The following RPS6KC1 variants were observed in gnomAD, a reference collection of about 807,000 sequenced individuals.
RPS6KC1 encodes inactive ribosomal protein S6 kinase delta-1.
In RPS6KC1, 54 loss-of-function variants were observed where a neutral mutation model predicts 103.8. The observed-to-expected ratio is 0.52, with a 90% CI of 0.42 to 0.65. The LOEUF is 0.65. Among genes scored for constraint, RPS6KC1 ranks in the 30% least tolerant of loss-of-function variants. The pLI, the probability that RPS6KC1 is intolerant of heterozygous loss-of-function variation, is 0.00. For missense variants in RPS6KC1, 1,151 were observed against 1,253.8 expected, an observed-to-expected ratio of 0.92 and a Z score of 1.24; for synonymous variants, 439 against 438.7, an observed-to-expected ratio of 1.00 and a Z score of -0.01.
At chr1:213,329,517 G>A in the RPS6KC1 span, among the ~76,000 whole-genome samples, 1 of 151,986 alleles carries the variant, frequency 6.6e-6, no homozygotes, top group Non-Finnish European at 1.5e-5. Context: ...AGGCAGAATG[G>A]ACACCACCAG....
the RPS6KC1 span, among the ~76,000 whole-genome samples, chr1:213,380,747 A>G: frequency 2.6e-5 from 4 of 152,186 alleles, no homozygotes; most frequent in African/African-American, 9.7e-5. Context: ...GGGTGAAAGG[A>G]CTGGGTGCTG....
the RPS6KC1 span, among the ~76,000 whole-genome samples, chr1:213,750,474 G>A: frequency 6.6e-6 from 1 of 152,214 alleles, no homozygotes; most frequent in Non-Finnish European, 1.5e-5. Context: ...ACGTTGGGAG[G>A]TTATTGTAAG....
chr1:213,121,089 G>A (rs2084328565), intron 5 of RPS6KC1, among the ~76,000 whole-genome samples: 1 of 152,070 alleles, frequency 6.6e-6, no homozygotes, highest in African/African-American at 2.4e-5. Context: ...AACCATGCCT[G>A]GCTAATTTTT....
At chr1:213,192,895 A>G (rs2092801008) in intron 8 of RPS6KC1, among the ~76,000 whole-genome samples, 1 of 151,888 alleles carries the variant, frequency 6.6e-6, no homozygotes, top group Non-Finnish European at 1.5e-5. Context: ...TTGTGTTTCC[A>G]TTATTTGTTT....
intron 8 of RPS6KC1, among the ~76,000 whole-genome samples, chr1:213,215,881 C>G (rs1289477970): frequency 2.6e-5 from 4 of 152,254 alleles, no homozygotes; most frequent in African/African-American, 9.6e-5. Flanking sequence ...GAAGGAAGCA[C>G]TAAACATGGA....
intron 10 of RPS6KC1, 52 bp from the exon 11 acceptor site, chr1:213,240,648 CTG>C: frequency 2.1e-6 from 3 of 1,437,796 alleles, no homozygotes; most frequent in East Asian, 2.3e-5. Context: ...GCTTAAATAA[CTG>C]TCAATTTGGA....
the RPS6KC1 span, among the ~76,000 whole-genome samples, chr1:213,631,739 T>C: frequency 1.3e-5 from 2 of 152,180 alleles, no homozygotes; most frequent in Admixed American, 6.6e-5. Flanking sequence ...ATCTAATGGG[T>C]ATAAAAATGG....
Position 213,167,962 on chromosome 1 carries a change from G to A in RPS6KC1, c.940G>A (p.Asp314Asn), listed in dbSNP as rs556701673. 19 of 1,607,152 alleles carry A rather than the reference G, an allele frequency of 1.2e-5. No homozygotes were observed. The highest frequency in any genetic ancestry group is 1.7e-5 in the Admixed American group (1 of 59,904). Reference sequence around the variant, plus strand: ...TCTTTATGGGAAACCTCAGCTTGATGATGTATCTCAGGTATGTCTCATATT... The same window carrying A: ...TCTTTATGGGAAACCTCAGCTTGATAATGTATCTCAGGTATGTCTCATATT... ...SSLYGKPQLD[D>N]VSQPPGSLSS... The change falls in exon 7 of 15, where the codon GAT (aspartate) becomes AAT (asparagine). Residue 314 changes from aspartate to asparagine, a missense_variant. Asp to Asn is a conservative substitution (Grantham distance 23). Coordinates refer to ENST00000366960, the MANE Select transcript of RPS6KC1 (RefSeq NM_012424.6).
chr1:213,252,838 C>T (rs550797324), intron 12 of RPS6KC1, among the ~76,000 whole-genome samples: 6 of 152,230 alleles, frequency 3.9e-5, no homozygotes, highest in African/African-American at 1.4e-4. Flanking sequence ...GCCTATCATT[C>T]TGCTATTTGG....
the RPS6KC1 span, among the ~76,000 whole-genome samples, chr1:213,391,015 C>T: frequency 6.6e-6 from 1 of 151,560 alleles, no homozygotes; most frequent in South Asian, 2.1e-4. Context: ...AGTTTTTTTT[C>T]CCCCCATCTA....
At chr1:213,212,946 T>G (rs2093555414) in intron 8 of RPS6KC1, among the ~76,000 whole-genome samples, 1 of 152,202 alleles carries the variant, frequency 6.6e-6, no homozygotes, top group East Asian at 1.9e-4. Context: ...AAGAGTTCTT[T>G]GTATGTTTTG....
At chr1:213,153,929 G>C (rs1271338292) in intron 6 of RPS6KC1, among the ~76,000 whole-genome samples, 1 of 152,104 alleles carries the variant, frequency 6.6e-6, no homozygotes, top group Non-Finnish European at 1.5e-5. Context: ...CATTTGAAAG[G>C]ACTTGTGTGT....
the RPS6KC1 span, among the ~76,000 whole-genome samples, chr1:213,847,745 A>G: frequency 6.6e-6 from 1 of 152,132 alleles, no homozygotes; most frequent in Non-Finnish European, 1.5e-5. Context: ...CTCAACTACC[A>G]GCCCCATCCA....
chr1:213,667,396 A>C, the RPS6KC1 span, among the ~76,000 whole-genome samples: 1 of 152,246 alleles, frequency 6.6e-6, no homozygotes, highest in Non-Finnish European at 1.5e-5. Flanking sequence ...TGTTTACACT[A>C]TACTGTAGTC....
the RPS6KC1 span, among the ~76,000 whole-genome samples, chr1:213,520,661 C>G: frequency 6.6e-6 from 1 of 152,028 alleles, no homozygotes; most frequent in Non-Finnish European, 1.5e-5. Context: ...CTTTCCTTCC[C>G]TACCAAACCC....
the RPS6KC1 span, among the ~76,000 whole-genome samples, chr1:213,631,087 C>T: frequency 6.6e-6 from 1 of 152,094 alleles, no homozygotes; most frequent in African/African-American, 2.4e-5. Context: ...GGGAGTGACC[C>T]GATTTTCCAG....
chr1:213,744,666 G>T, the RPS6KC1 span, among the ~76,000 whole-genome samples: 1 of 152,168 alleles, frequency 6.6e-6, no homozygotes, highest in South Asian at 2.1e-4. Flanking sequence ...TTTCTCTTGG[G>T]CAAGACAGCA....
At chr1:213,469,642 T>A in the RPS6KC1 span, among the ~76,000 whole-genome samples, 1 of 152,190 alleles carries the variant, frequency 6.6e-6, no homozygotes, top group Admixed American at 6.5e-5. Context: ...TGACATCATG[T>A]GAGTCCTGCA....
At chr1:213,350,124 T>C in the RPS6KC1 span, among the ~76,000 whole-genome samples, 2 of 152,188 alleles carry the variant, frequency 1.3e-5, no homozygotes, top group Non-Finnish European at 2.9e-5. Context: ...GCTAAAACCT[T>C]GATCCTGGAT....
Sources: gnomAD v4.1 joint callset for allele counts (sites outside exome capture counted in the v4.1 genomes callset) on GRCh38, gnomAD v4.1.1 for gene constraint, MANE v1.5 for transcripts, NCBI Gene and HGNC (gene_info 2026-07-23, HGNC 2026-07-21) for gene names.